SGCZ: variants seen among roughly 807,000 people sequenced by gnomAD.
SGCZ encodes sarcoglycan zeta.
SGCZ carries 40 observed loss-of-function variants against 41.3 expected under a neutral mutation model. That is an observed-to-expected ratio of 0.97 (90% CI 0.75 to 1.26). SGCZ has a LOEUF of 1.26. Ranked by LOEUF, SGCZ falls within the 50% of genes most tolerant of loss-of-function variation. The probability of loss-of-function intolerance (pLI) is 0.00; values close to 1 mark genes in which losing one functional copy is unlikely to be tolerated. For synonymous variants in SGCZ, 206 were observed against 137.5 expected (o/e 1.50, Z -3.49); for missense variants, 552 against 369.8 (o/e 1.49, Z -4.04).
intron 1 of SGCZ, among the ~76,000 whole-genome samples, chr8:15,136,004 G>A (rs995394219): frequency 2.6e-5 from 4 of 152,128 alleles, no homozygotes; most frequent in Admixed American, 6.5e-5. Context: ...TCAGGTTATC[G>A]GGTCATTGCC....
intron 1 of SGCZ, among the ~76,000 whole-genome samples, chr8:14,974,164 A>C (rs968055329): frequency 3.9e-5 from 6 of 152,204 alleles, no homozygotes; most frequent in Non-Finnish European, 8.8e-5. Context: ...TGCTTTTTTA[A>C]ATTTCAGTGT....
intron 1 of SGCZ, among the ~76,000 whole-genome samples, chr8:14,930,055 A>C (rs1563370916): frequency 1.3e-5 from 2 of 152,044 alleles, no homozygotes; most frequent in Non-Finnish European, 2.9e-5. Context: ...CACTTCAAAA[A>C]TTTGGAGTTG....
chr8:15,027,827 T>C (rs1803514223), intron 1 of SGCZ, among the ~76,000 whole-genome samples: 1 of 152,088 alleles, frequency 6.6e-6, no homozygotes, highest in Non-Finnish European at 1.5e-5. Flanking sequence ...ATTTAAAATG[T>C]AAGATATATT....
intron 4 of SGCZ, among the ~76,000 whole-genome samples, chr8:14,208,936 C>G (rs1411131599): frequency 6.6e-6 from 1 of 152,114 alleles, no homozygotes; most frequent in Non-Finnish European, 1.5e-5. Context: ...CCATTTCTAA[C>G]AAAAAGCAGC....
intron 1 of SGCZ, among the ~76,000 whole-genome samples, chr8:15,152,670 T>A (rs1239793005): frequency 6.6e-6 from 1 of 152,188 alleles, no homozygotes; most frequent in African/African-American, 2.4e-5. Context: ...CTTTGCTTTT[T>A]AAAAAAACAT....
At chr8:14,961,768 A>G (rs1800974521) in intron 1 of SGCZ, among the ~76,000 whole-genome samples, 1 of 152,168 alleles carries the variant, frequency 6.6e-6, no homozygotes, top group Non-Finnish European at 1.5e-5. Context: ...GCAATGATGT[A>G]GGGATACATC....
chr8:14,758,484 A>G (rs567509710), intron 1 of SGCZ, among the ~76,000 whole-genome samples: 1 of 152,298 alleles, frequency 6.6e-6, no homozygotes, highest in Non-Finnish European at 1.5e-5. Flanking sequence ...ACAGACTAAC[A>G]TTCGAATTGG....
chr8:14,367,963 C>T (rs527322895), intron 2 of SGCZ, among the ~76,000 whole-genome samples: 1 of 152,004 alleles, frequency 6.6e-6, no homozygotes, highest in African/African-American at 2.4e-5. Context: ...ATCTCACTTA[C>T]AAATATAATA....
At chr8:14,241,639 T>C (rs1798897164) in intron 3 of SGCZ, among the ~76,000 whole-genome samples, 1 of 151,806 alleles carries the variant, frequency 6.6e-6, no homozygotes, top group Admixed American at 6.6e-5. Context: ...TATCTCATGG[T>C]TTTCCGAAGC....
chr8:14,349,531 G>A (rs537784396), intron 2 of SGCZ, among the ~76,000 whole-genome samples: 2 of 152,080 alleles, frequency 1.3e-5, no homozygotes, highest in African/African-American at 4.8e-5. Flanking sequence ...TTTTTAAGAA[G>A]CATATGTGTC....
intron 4 of SGCZ, among the ~76,000 whole-genome samples, chr8:14,175,562 CA>C (rs1419271887): frequency 6.6e-6 from 1 of 151,904 alleles, no homozygotes; most frequent in Non-Finnish European, 1.5e-5. Context: ...TTTGGTAAAT[CA>C]AATTTTTACT....
rs1163054967 is a variant in SGCZ at position 14,893,087 on chromosome 8, T to C, written c.40-338161A>G. ...CTTTGCATATTTGATTAAGTGAGGG[T>C]CCATGAGACTGGGAAGTTCTGCTGG... On this transcript the variant is annotated intron_variant, in intron 1 of 7. Transcript: ENST00000382080. 3.3e-5 allele frequency among the ~76,000 whole-genome samples: 5 copies of C among 152,262 alleles called. No homozygotes were observed. The East Asian group carries it at 9.7e-4, about 29-fold the overall frequency.
At chr8:15,159,027 G>A (rs768486260) in intron 1 of SGCZ, among the ~76,000 whole-genome samples, 2 of 152,118 alleles carry the variant, frequency 1.3e-5, no homozygotes, top group Non-Finnish European at 2.9e-5. Context: ...CAATCCCTAC[G>A]TAGCTTCAGG....
intron 1 of SGCZ, among the ~76,000 whole-genome samples, chr8:15,180,980 C>T (rs13271509): frequency 0.41 from 62,045 of 151,820 alleles, 14,314 homozygotes; most frequent in Non-Finnish European, 0.5. Context: ...AATAGATATG[C>T]CCAAATGAAG....
rs561266702 is a variant in SGCZ at position 14,149,990 on chromosome 8, A to G, written c.547+14590T>C. On this transcript the variant is annotated intron_variant, in intron 5 of 7. Coordinates refer to ENST00000382080, the MANE Select transcript of SGCZ (RefSeq NM_139167.4). ...TATCCATACACCAAAGAATGAGACTAGACCCCTATCTCTTGCCATATACAA... is the reference window on the plus strand; with the variant it reads ...TATCCATACACCAAAGAATGAGACTGGACCCCTATCTCTTGCCATATACAA... Among the ~76,000 whole-genome samples the G allele has an allele frequency of 4.6e-5, 7 of 152,304 alleles. No individual in the cohort carries two copies. In the East Asian group the frequency reaches 1.3e-3, roughly 29 times the overall value.
intron 3 of SGCZ, among the ~76,000 whole-genome samples, chr8:14,298,158 A>G (rs1463811424): frequency 6.6e-6 from 1 of 151,962 alleles, no homozygotes; most frequent in Non-Finnish European, 1.5e-5. Context: ...AATTTAAAAC[A>G]CATTCATGAT....
At chr8:14,154,835 G>T (rs1469189978) in intron 5 of SGCZ, among the ~76,000 whole-genome samples, 1 of 152,110 alleles carries the variant, frequency 6.6e-6, no homozygotes, top group Non-Finnish European at 1.5e-5. Flanking sequence ...TGTTCTGACA[G>T]GTAGTCCTAT....
intron 4 of SGCZ, among the ~76,000 whole-genome samples, chr8:14,196,258 A>C (rs1337356267): frequency 1.6e-5 from 2 of 127,490 alleles, no homozygotes; most frequent in African/African-American, 2.7e-5. Flanking sequence ...TAAATTAATT[A>C]GAGTAATTTT....
chr8:14,986,691 T>A (rs1801834720), intron 1 of SGCZ, among the ~76,000 whole-genome samples: 1 of 152,066 alleles, frequency 6.6e-6, no homozygotes. Context: ...GGTTGAGACC[T>A]AATTGGAGAA....
Sources: allele counts gnomAD v4.1 joint callset (sites outside exome capture counted in the v4.1 genomes callset), GRCh38; gene constraint gnomAD v4.1.1; transcripts MANE v1.5; gene names NCBI Gene and HGNC (gene_info 2026-07-23, HGNC 2026-07-21).